KRABD2: variants seen among roughly 807,000 people sequenced by gnomAD.
The protein encoded by KRABD2 is KRAB domain-containing protein 2.
the KRABD2 span, chr17:8,369,456 T>G: frequency 3.1e-5 from 50 of 1,614,012 alleles, no homozygotes; most frequent in Non-Finnish European, 3.9e-5. Flanking sequence ...TCGGAGGCCT[T>G]TGGCCCAGTG....
the KRABD2 span, chr17:8,371,190 C>T: frequency 1.1e-6 from 1 of 912,342 alleles, no homozygotes; most frequent in Non-Finnish European, 1.7e-6. Context: ...TTTCTTATGG[C>T]TGAGGAGTCT....
the KRABD2 span, chr17:8,375,750 C>T: frequency 2.9e-6 from 1 of 349,010 alleles, no homozygotes; most frequent in East Asian, 7.9e-5. Context: ...TTGCCCGAGG[C>T]TTCAGTATCT....
the KRABD2 span, among the ~76,000 whole-genome samples, chr17:8,373,105 TCTCTCCATCTCCGTCTCCACGGTCTCC>T: frequency 1.2e-4 from 18 of 151,990 alleles, no homozygotes; most frequent in African/African-American, 4.3e-4. Context: ...TCCCTCTTCC[TCTCTCCATCTCCGTCTCCACGGTCTCC>T]CTCTCCCTCT....
chr17:8,374,711 C>T, the KRABD2 span, among the ~76,000 whole-genome samples: 1 of 148,068 alleles, frequency 6.8e-6, no homozygotes, highest in Non-Finnish European at 1.5e-5. Flanking sequence ...CTTTAGGAGG[C>T]GGAGGTGGGC....
chr17:8,368,367 G>A, the KRABD2 span, among the ~76,000 whole-genome samples: 16 of 152,256 alleles, frequency 1.1e-4, no homozygotes, highest in South Asian at 3.1e-3. Context: ...GTTCGGGTCT[G>A]TGTATTTATT....
At chr17:8,370,988 G>A in the KRABD2 span, among the ~76,000 whole-genome samples, 1,644 of 152,228 alleles carry the variant, frequency 0.011, 32 homozygotes, top group African/African-American at 0.037. Flanking sequence ...GGCCAACAGG[G>A]TGAAACCCCA....
chr17:8,361,869 C>A, the KRABD2 span, among the ~76,000 whole-genome samples: 1 of 152,192 alleles, frequency 6.6e-6, no homozygotes, highest in Non-Finnish European at 1.5e-5. Context: ...TGGTTATAAG[C>A]ATTGACCTTG....
chr17:8,361,732 C>T, the KRABD2 span, among the ~76,000 whole-genome samples: 6 of 152,138 alleles, frequency 3.9e-5, no homozygotes, highest in Non-Finnish European at 8.8e-5. Context: ...CCATGCCTCA[C>T]TATGTTGCCC....
chr17:8,376,310 G>A, the KRABD2 span: 19 of 1,223,494 alleles, frequency 1.6e-5, no homozygotes, highest in East Asian at 1.6e-4. Context: ...ACTGACTAAA[G>A]CAAAGTTACT....
chr17:8,376,523 G>C, the KRABD2 span: 1 of 990,866 alleles, frequency 1.0e-6, no homozygotes, highest in Non-Finnish European at 1.2e-6. Context: ...CCCTGACTTC[G>C]CAGACTGCTC....
chr17:8,363,664 A>G, the KRABD2 span, among the ~76,000 whole-genome samples: 2 of 151,066 alleles, frequency 1.3e-5, no homozygotes, highest in African/African-American at 2.4e-5. Flanking sequence ...TACTTTTTAA[A>G]TGGCATTATT....
At chr17:8,369,896 G>T in the KRABD2 span, 3 of 1,614,172 alleles carry the variant, frequency 1.9e-6, no homozygotes, top group Non-Finnish European at 1.7e-6. Flanking sequence ...GGTTCTTCTG[G>T]TGGCACTGTT....
the KRABD2 span, chr17:8,365,518 C>G: frequency 6.6e-6 from 1 of 152,190 alleles, no homozygotes; most frequent in Non-Finnish European, 1.5e-5. Context: ...GATGTCACTT[C>G]CTATGTAATA....
chr17:8,370,006 T>C, the KRABD2 span: 1 of 1,614,192 alleles, frequency 6.2e-7, no homozygotes, highest in Non-Finnish European at 8.5e-7. Context: ...TGTCCAATAC[T>C]GAGATGTGTA....
the KRABD2 span, chr17:8,369,125 G>T: frequency 6.2e-7 from 1 of 1,604,292 alleles, no homozygotes; most frequent in Non-Finnish European, 8.5e-7. Context: ...CCACCCAGCA[G>T]CCATCTGTTC....
chr17:8,360,106 A>C, the KRABD2 span, among the ~76,000 whole-genome samples: 1 of 152,208 alleles, frequency 6.6e-6, no homozygotes, highest in Non-Finnish European at 1.5e-5. Flanking sequence ...CTCCTACGCC[A>C]AAGTTCCAGG....
chr17:8,372,379 G>A, the KRABD2 span, among the ~76,000 whole-genome samples: 89 of 151,866 alleles, frequency 5.9e-4, no homozygotes, highest in Middle Eastern at 3.4e-3. The surrounding 1 kb of genome is among the most constrained non-coding windows in gnomAD (Gnocchi z 4.1). Context: ...TTCTTTTTTT[G>A]TATTTTTTTA....
the KRABD2 span, chr17:8,370,406 G>T: frequency 6.7e-7 from 1 of 1,491,858 alleles, no homozygotes. Context: ...GAAGAAAAGA[G>T]AACAAAGTTA....
chr17:8,366,638 C>T, the KRABD2 span, among the ~76,000 whole-genome samples: 6 of 152,130 alleles, frequency 3.9e-5, no homozygotes, highest in East Asian at 1.9e-4. Flanking sequence ...TCTCCTGAAG[C>T]GGGAAACAGA....
Sources: gnomAD v4.1 joint callset for allele counts (sites outside exome capture counted in the v4.1 genomes callset) on GRCh38, gnomAD v4.1.1 for gene constraint, Gnocchi (gnomAD v3.1) non-coding constraint, MANE v1.5 for transcripts, NCBI Gene and HGNC (gene_info 2026-07-23, HGNC 2026-07-21) for gene names.